Variants in DPP10 observed in about 807,000 individuals in gnomAD.
DPP10 encodes the protein inactive dipeptidyl peptidase 10.
Under a neutral mutation model 120.9 loss-of-function variants are expected in DPP10, and 33 were observed. The ratio of observed to expected loss-of-function variants is 0.27; its 90% CI spans 0.21 to 0.37. DPP10 has a LOEUF of 0.37. Ranked by LOEUF, DPP10 falls within the 10% of genes least tolerant of loss-of-function variation. The pLI is 1.00. For synonymous variants in DPP10, 337 were observed against 326.1 expected (o/e 1.03, Z -0.36); for missense variants, 816 against 942.8 (o/e 0.87, Z 1.76).
At chr2:114,970,363 G>A (rs1031165437) in intron 1 of DPP10, among the ~76,000 whole-genome samples, 2 of 152,142 alleles carry the variant, frequency 1.3e-5, no homozygotes, top group Admixed American at 1.3e-4. Context: ...CTGATTCTAT[G>A]TAGCTGATTC....
intron 5 of DPP10, among the ~76,000 whole-genome samples, chr2:115,576,814 A>G (rs2081694465): frequency 6.6e-6 from 1 of 152,182 alleles, no homozygotes; most frequent in African/African-American, 2.4e-5. Context: ...TCCTCACCTC[A>G]ACAGTGGGCA....
At chr2:114,485,557 G>T (rs1681439241) in intron 1 of DPP10, among the ~76,000 whole-genome samples, 1 of 117,868 alleles carries the variant, frequency 8.5e-6, no homozygotes, top group Non-Finnish European at 1.6e-5. Context: ...ATTTTGGTTT[G>T]CACTAGTGTT....
chr2:115,422,558 G>A (rs1383303454), intron 3 of DPP10, among the ~76,000 whole-genome samples: 1 of 152,144 alleles, frequency 6.6e-6, no homozygotes, highest in Admixed American at 6.5e-5. Context: ...GATTTTGTTT[G>A]CCCATGACTT....
intron 5 of DPP10, among the ~76,000 whole-genome samples, chr2:115,661,268 GT>G (rs1198119409): frequency 1.3e-5 from 2 of 152,012 alleles, no homozygotes; most frequent in Non-Finnish European, 2.9e-5. Context: ...TTTTAATTTG[GT>G]TTTGCACATC....
At chr2:115,259,864 G>GT (rs1400920243) in intron 1 of DPP10, among the ~76,000 whole-genome samples, 1 of 151,912 alleles carries the variant, frequency 6.6e-6, no homozygotes, top group African/African-American at 2.4e-5. Context: ...TATTATCTAT[G>GT]TGCATTTTTC....
At chr2:115,654,681 A>G (rs140347093) in intron 5 of DPP10, among the ~76,000 whole-genome samples, 6 of 152,000 alleles carry the variant, frequency 3.9e-5, no homozygotes, top group African/African-American at 1.4e-4. Context: ...TCCTACATCT[A>G]TTTTTAAATG....
chr2:115,447,575 C>T (rs148329441), intron 3 of DPP10, among the ~76,000 whole-genome samples: 23 of 152,206 alleles, frequency 1.5e-4, no homozygotes, highest in East Asian at 1.4e-3. Flanking sequence ...ATCATGGGTA[C>T]GGTTCCTCCC....
intron 1 of DPP10, among the ~76,000 whole-genome samples, chr2:114,450,672 C>T (rs1037865491): frequency 2.6e-5 from 4 of 151,254 alleles, no homozygotes; most frequent in African/African-American, 9.7e-5. Flanking sequence ...CAAGGTTCCT[C>T]AGGGATTGTG....
chr2:114,672,178 C>T lies in DPP10; in HGVS notation c.60+229340C>T, dbSNP rs937963415. On this transcript the variant is annotated intron_variant, in intron 1 of 25. Transcript: ENST00000410059. ...ATGCAAGAAATTACTAAAGCCAGGG[C>T]CCTACCCTAGATCAATTACATGGAT... 3.9e-5 allele frequency among the ~76,000 whole-genome samples: 6 copies of T among 152,170 alleles called. No individual in the cohort carries two copies. The East Asian group carries it at 9.7e-4, about 24-fold the overall frequency.
At chr2:114,484,505 G>T (rs1292724041) in intron 1 of DPP10, among the ~76,000 whole-genome samples, 1 of 152,120 alleles carries the variant, frequency 6.6e-6, no homozygotes, top group African/African-American at 2.4e-5. Flanking sequence ...CCACGAGTTA[G>T]CCCACAGTAA....
chr2:115,495,300 A>G (rs1017808128), intron 3 of DPP10, among the ~76,000 whole-genome samples: 3 of 143,330 alleles, frequency 2.1e-5, no homozygotes, highest in Non-Finnish European at 4.5e-5. Flanking sequence ...GTTGTTTGAT[A>G]ATTGAGCCAT....
chr2:115,116,250 A>G (rs1426611466), intron 1 of DPP10, among the ~76,000 whole-genome samples: 1 of 152,168 alleles, frequency 6.6e-6, no homozygotes, highest in Non-Finnish European at 1.5e-5. Context: ...GATTTATTGG[A>G]TGAAACCAAG....
At chr2:115,798,312 T>C (rs1475443047) in intron 19 of DPP10, among the ~76,000 whole-genome samples, 1 of 152,014 alleles carries the variant, frequency 6.6e-6, no homozygotes, top group Non-Finnish European at 1.5e-5. Flanking sequence ...AAAAAACATA[T>C]TAGGATATAA....
At chr2:114,463,836 A>G (rs900987966) in intron 1 of DPP10, among the ~76,000 whole-genome samples, 1 of 152,184 alleles carries the variant, frequency 6.6e-6, no homozygotes, top group African/African-American at 2.4e-5. Context: ...ATCTCTGATC[A>G]GTTTTCTGTC....
At chr2:115,119,156 G>C (rs2049693543) in intron 1 of DPP10, among the ~76,000 whole-genome samples, 1 of 152,104 alleles carries the variant, frequency 6.6e-6, no homozygotes, top group African/African-American at 2.4e-5. Context: ...TACTTAGGAG[G>C]GGCTGCATGG....
chr2:115,599,793 G>A (rs562878031), intron 5 of DPP10, among the ~76,000 whole-genome samples: 1 of 152,252 alleles, frequency 6.6e-6, no homozygotes, highest in South Asian at 2.1e-4. Flanking sequence ...TATTGAAGGT[G>A]TTTATTTTGG....
chr2:115,836,018 T>A (rs1385166337), intron 21 of DPP10, 139 bp from the exon 22 acceptor site: 1 of 403,300 alleles, frequency 2.5e-6, no homozygotes, highest in African/African-American at 2.1e-5. Context: ...GACATTCTGA[T>A]ATGATGTACA....
intron 3 of DPP10, among the ~76,000 whole-genome samples, chr2:115,415,439 A>G (rs139620647): frequency 7.6e-4 from 116 of 152,254 alleles, no homozygotes; most frequent in African/African-American, 2.7e-3. Flanking sequence ...TTCTACAGAG[A>G]TAGCCTCTGA....
chr2:114,618,568 G>T (rs1693848382), intron 1 of DPP10, among the ~76,000 whole-genome samples: 1 of 151,992 alleles, frequency 6.6e-6, no homozygotes, highest in Non-Finnish European at 1.5e-5. Context: ...GGTGTGGGGA[G>T]GCGGTGCTTT....
Sources: allele counts gnomAD v4.1 joint callset (sites outside exome capture counted in the v4.1 genomes callset), GRCh38; gene constraint gnomAD v4.1.1; transcripts MANE v1.5; gene names NCBI Gene and HGNC (gene_info 2026-07-23, HGNC 2026-07-21).